Variants in SLCO1B1 observed in about 807,000 individuals in gnomAD.
SLCO1B1 encodes the protein OATP-2.
SLCO1B1 carries 81 observed loss-of-function variants against 70.1 expected under a neutral mutation model. The observed-to-expected ratio is 1.16, with a 90% CI of 0.97 to 1.39. SLCO1B1 has a LOEUF of 1.39. Ranked by LOEUF, SLCO1B1 falls within the 40% of genes most tolerant of loss-of-function variation. SLCO1B1 has a pLI of 0.00. For missense variants in SLCO1B1, 895 were observed against 799.6 expected (o/e 1.12, Z -1.44); for synonymous variants, 283 against 271.5 (o/e 1.04, Z -0.42).
intron 12 of SLCO1B1, among the ~76,000 whole-genome samples, chr12:21,219,471 A>G (rs777002909): frequency 2.6e-5 from 4 of 152,180 alleles, no homozygotes; most frequent in Non-Finnish European, 5.9e-5. Flanking sequence ...TTCAGATCCT[A>G]TGGGTCACAG....
intron 11 of SLCO1B1, among the ~76,000 whole-genome samples, chr12:21,215,332 A>C (rs960302031): frequency 1.3e-5 from 2 of 152,134 alleles, no homozygotes; most frequent in Non-Finnish European, 2.9e-5. Context: ...GATGGCTCTT[A>C]TTATTTTGAG....
intron 2 of SLCO1B1, among the ~76,000 whole-genome samples, chr12:21,153,766 C>T (rs901312491): frequency 6.6e-6 from 1 of 151,690 alleles, no homozygotes; most frequent in Non-Finnish European, 1.5e-5. Context: ...ATTATATAAC[C>T]GTTTTATCTT....
chr12:21,200,585 A>G lies in SLCO1B1; in HGVS notation c.1048A>G (p.Ser350Gly). The G allele has an allele frequency of 1.2e-6, 2 of 1,611,236 alleles. No homozygotes were observed. The highest frequency in any genetic ancestry group is 1.7e-6 in the Non-Finnish European group (2 of 1,178,168). ...MFVLLTLLQV[S>G]SYIGAFTYVF... ...TGTGCTTTTGACGTTGTTACAAGTA[A>G]GCAGCTATATTGGTGCTTTTACTTA... Residue 350 changes from serine (S) to glycine (G), a missense_variant, in exon 9 of 15, where the codon AGC (serine) becomes GGC (glycine). Ser to Gly is a moderately conservative substitution (Grantham distance 56). Coordinates refer to ENST00000256958, the MANE Select transcript of SLCO1B1 (RefSeq NM_006446.5).
At chr12:21,217,066 C>A in intron 11 of SLCO1B1, 53 bp from the exon 12 acceptor site, 1 of 1,301,432 alleles carries the variant, frequency 7.7e-7, no homozygotes, top group Non-Finnish European at 1.1e-6. Context: ...GTATTTGCAG[C>A]ACTGTTAGGT....
intron 7 of SLCO1B1, among the ~76,000 whole-genome samples, chr12:21,179,852 G>GT (rs1297537073): frequency 1.3e-5 from 2 of 151,990 alleles, no homozygotes; most frequent in African/African-American, 4.8e-5. Flanking sequence ...TGTAGATACA[G>GT]TTTTTTATAC....
intron 2 of SLCO1B1, among the ~76,000 whole-genome samples, chr12:21,150,423 C>T (rs1226474233): frequency 1.3e-5 from 2 of 152,172 alleles, no homozygotes; most frequent in Non-Finnish European, 2.9e-5. Context: ...CAGGGTTCAA[C>T]AGACACCTCA....
intron 1 of SLCO1B1, among the ~76,000 whole-genome samples, chr12:21,132,773 T>C (rs541861725): frequency 2.6e-5 from 4 of 152,152 alleles, no homozygotes; most frequent in Non-Finnish European, 5.9e-5. Flanking sequence ...TTTCTCCCAT[T>C]CTGTAGGTTG....
rs979751234 is a variant in SLCO1B1 at position 21,139,161 on chromosome 12, C to T, written c.-61-2353C>T. ...AAGGAAGACTATCCACCTTGCAAGT[C>T]ATACAGAGATATTTGCTATTATATA... On this transcript the variant is annotated intron_variant, in intron 1 of 14. Transcript: ENST00000256958. 3.9e-5 allele frequency among the ~76,000 whole-genome samples: 6 copies of T among 151,974 alleles called. No homozygotes were observed. The East Asian group carries it at 1.2e-3, about 29-fold the overall frequency.
At chr12:21,217,401 A>G (rs1941372171) in intron 12 of SLCO1B1, 98 bp downstream of exon 12, 2 of 940,252 alleles carry the variant, frequency 2.1e-6, no homozygotes, top group Non-Finnish European at 1.7e-6. Flanking sequence ...ATTCAAATTC[A>G]TATTTCATCA....
intron 1 of SLCO1B1, among the ~76,000 whole-genome samples, chr12:21,131,717 C>T (rs1051235181): frequency 6.6e-6 from 1 of 151,990 alleles, no homozygotes; most frequent in African/African-American, 2.4e-5. Context: ...GTCACATAAC[C>T]ACCTCAGTTT....
intron 11 of SLCO1B1, among the ~76,000 whole-genome samples, chr12:21,207,542 C>T (rs772468339): frequency 9.2e-5 from 14 of 151,978 alleles, no homozygotes; most frequent in Non-Finnish European, 1.6e-4. Flanking sequence ...TCACTGTTGA[C>T]GGGCACCCAG....
Position 21,157,610 on chromosome 12 carries a change from T to C in SLCO1B1, c.85-15040T>C, listed in dbSNP as rs553340521. The stretch of plus-strand genomic sequence containing the variant: ...AATTAAGACTGTAAAATTTTTTTTT[T>C]TTTTTTTTTGAGACAGGGTCTCACT... On this transcript the variant is annotated intron_variant, in intron 2 of 14. Transcript: ENST00000256958. Among the ~76,000 whole-genome samples, 3 of 151,180 alleles carry C rather than the reference T, an allele frequency of 2.0e-5. No homozygotes were observed. The East Asian group carries it at 5.8e-4, about 29-fold the overall frequency.
At chr12:21,182,547 T>C (rs935266665) in intron 7 of SLCO1B1, among the ~76,000 whole-genome samples, 1 of 152,082 alleles carries the variant, frequency 6.6e-6, no homozygotes, top group African/African-American at 2.4e-5. Flanking sequence ...CGCCAGTCCC[T>C]CCCAGTACTC....
intron 2 of SLCO1B1, among the ~76,000 whole-genome samples, chr12:21,146,745 C>T (rs761917062): frequency 6.6e-6 from 1 of 151,604 alleles, no homozygotes; most frequent in Non-Finnish European, 1.5e-5. Context: ...GGTATTTTTC[C>T]AGTTATCTTT....
At chr12:21,134,257 G>A (rs1484150343) in intron 1 of SLCO1B1, among the ~76,000 whole-genome samples, 1 of 152,056 alleles carries the variant, frequency 6.6e-6, no homozygotes, top group Non-Finnish European at 1.5e-5. Context: ...GAGGATTTTT[G>A]CATCAATGTT....
At chr12:21,149,647 C>T (rs185293026) in intron 2 of SLCO1B1, among the ~76,000 whole-genome samples, 6 of 152,218 alleles carry the variant, frequency 3.9e-5, no homozygotes, top group Non-Finnish European at 7.4e-5. Context: ...AGGGACTGTG[C>T]CCTGAGGAAA....
At chr12:21,221,840 A>G (rs751698915) in intron 12 of SLCO1B1, among the ~76,000 whole-genome samples, 1 of 152,160 alleles carries the variant, frequency 6.6e-6, no homozygotes, top group Non-Finnish European at 1.5e-5. Flanking sequence ...ATGAAAAACA[A>G]TGTGGAGATT....
At chr12:21,196,908 A>G in intron 7 of SLCO1B1, 38 bp from the exon 8 acceptor site, 1 of 1,601,250 alleles carries the variant, frequency 6.2e-7, no homozygotes. Context: ...TGTATTTCAA[A>G]ATGATTTTTG....
At chr12:21,158,693 C>G (rs900236211) in intron 2 of SLCO1B1, among the ~76,000 whole-genome samples, 5 of 149,952 alleles carry the variant, frequency 3.3e-5, no homozygotes, top group African/African-American at 1.2e-4. Context: ...GAGTCTGTCT[C>G]AAGAAAAAAA....
Sources: allele counts gnomAD v4.1 joint callset (sites outside exome capture counted in the v4.1 genomes callset), GRCh38; gene constraint gnomAD v4.1.1; transcripts MANE v1.5; gene names NCBI Gene and HGNC (gene_info 2026-07-23, HGNC 2026-07-21).